CD2AP: variants seen among roughly 807,000 people sequenced by gnomAD.
CD2AP encodes CD2 associated protein, also known as CD2-associated protein.
CD2AP carries 46 observed loss-of-function variants against 85.1 expected under a neutral mutation model. The ratio of observed to expected loss-of-function variants is 0.54; its 90% CI spans 0.43 to 0.69. CD2AP has a LOEUF of 0.69. CD2AP is among the 30% of genes least tolerant of loss of function. CD2AP has a pLI of 0.00. For synonymous variants in CD2AP, 255 were observed against 252.9 expected (o/e 1.01, Z -0.08); for missense variants, 769 against 729.5 (o/e 1.05, Z -0.62).
chr6:47,516,472 A>G (rs1471541301), intron 2 of CD2AP, among the ~76,000 whole-genome samples: 2 of 152,226 alleles, frequency 1.3e-5, no homozygotes, highest in East Asian at 3.8e-4. Flanking sequence ...CTTTATATGC[A>G]AAAGAACAGT....
intron 2 of CD2AP, among the ~76,000 whole-genome samples, chr6:47,524,836 A>C (rs1198255464): frequency 1.3e-5 from 2 of 152,196 alleles, no homozygotes; most frequent in African/African-American, 4.8e-5. Context: ...GAAGTTTAGA[A>C]ACTTTCAAAG....
chr6:47,482,369 G>GT (rs200805546), intron 1 of CD2AP, among the ~76,000 whole-genome samples: 4 of 145,016 alleles, frequency 2.8e-5, no homozygotes, highest in Admixed American at 1.4e-4. Flanking sequence ...AGTTTGCTTT[G>GT]TTTTTTTTGT....
At chr6:47,526,480 C>T (rs1488009953) in intron 2 of CD2AP, among the ~76,000 whole-genome samples, 1 of 151,956 alleles carries the variant, frequency 6.6e-6, no homozygotes, top group East Asian at 1.9e-4. Context: ...GTTGCTTTCC[C>T]CCTTTTATTT....
chr6:47,613,792 A>G (rs1769508329), intron 17 of CD2AP, among the ~76,000 whole-genome samples: 1 of 152,154 alleles, frequency 6.6e-6, no homozygotes, highest in Non-Finnish European at 1.5e-5. Context: ...GTCCTAGATG[A>G]TATCTTCTTT....
At position 47,533,610 on chromosome 6, in the gene CD2AP, A is replaced by G. The variant is rs979806693; in HGVS notation, c.174A>G (p.Lys58=). Residue 58 remains lysine (K), a synonymous_variant, in exon 3 of 18, where the codon AAA becomes AAG. Coordinates refer to ENST00000359314, the MANE Select transcript of CD2AP (RefSeq NM_012120.3). ...TATTTTCCCTTTTGTAGGAAATTAA[A>G]AGAGAGACGGAATTCAAGGATGACA... ...MFPDNFVKEI[K]RETEFKDDSL... 3 of 1,613,696 alleles carry G rather than the reference A, an allele frequency of 1.9e-6. No homozygotes were observed. Among genetic ancestry groups the G allele is most frequent in the Admixed American group, 1.7e-5 (1 of 59,996 alleles).
At chr6:47,506,780 GGGGAGAGGGAGACGGAGGGAGAGGGAGA>G (rs1562007714) in intron 2 of CD2AP, among the ~76,000 whole-genome samples, 8 of 143,744 alleles carry the variant, frequency 5.6e-5, no homozygotes. Context: ...GGGAGACCGT[GGGGAGAGGGAGACGGAGGGAGAGGGAGA>G]GGGAGAGGGA....
intron 2 of CD2AP, among the ~76,000 whole-genome samples, chr6:47,515,536 T>C (rs1393749217): frequency 6.6e-6 from 1 of 152,238 alleles, no homozygotes; most frequent in Non-Finnish European, 1.5e-5. Flanking sequence ...TTGCTGGTAA[T>C]ATGGGCTAAA....
At chr6:47,552,092 T>C (rs2114058199) in intron 4 of CD2AP, among the ~76,000 whole-genome samples, 1 of 152,270 alleles carries the variant, frequency 6.6e-6, no homozygotes, top group East Asian at 1.9e-4. Flanking sequence ...AGAGATCTTC[T>C]TACAGCCATC....
In CD2AP at chr6:47,607,894, A is replaced by G. The variant is rs75839544; in HGVS notation, c.1531-33A>G. ...TACTACCTTTTCTTTTCTTTGGTCT[A>G]TTATGTCTCTTGACTTCTAAAAAAT... On this transcript the variant is annotated intron_variant, in intron 14 of 17. Transcript: ENST00000359314. The G allele has an allele frequency of 0.038, 53,760 of 1,425,312 alleles. 1,248 individuals carry two copies. Among genetic ancestry groups the G allele is most frequent in the Non-Finnish European group, 0.045 (44,991 of 1,010,884 alleles). The allele number at this position is 1,425,312 out of a possible 1,614,324, so 88.3% of individuals were successfully genotyped here. A position where few individuals can be genotyped will look rare whatever the true frequency, so the allele number is the denominator to read the frequency against.
intron 2 of CD2AP, among the ~76,000 whole-genome samples, chr6:47,515,066 A>C (rs1432530711): frequency 1.3e-5 from 2 of 152,020 alleles, no homozygotes; most frequent in Non-Finnish European, 2.9e-5. Context: ...AAAAAAAAAA[A>C]AGTAACACTG....
intron 11 of CD2AP, among the ~76,000 whole-genome samples, chr6:47,592,562 C>A (rs1768831421): frequency 6.6e-6 from 1 of 152,088 alleles, no homozygotes; most frequent in Non-Finnish European, 1.5e-5. Flanking sequence ...AGAGGAACAT[C>A]TTTTGTTATT....
chr6:47,548,843 A>G (rs1425450529), intron 4 of CD2AP, among the ~76,000 whole-genome samples: 1 of 152,208 alleles, frequency 6.6e-6, no homozygotes, highest in African/African-American at 2.4e-5. Flanking sequence ...CATATCAAAA[A>G]GATAATACAC....
At chr6:47,562,741 G>A (rs1767894795) in intron 5 of CD2AP, 1 of 824,520 alleles carries the variant, frequency 1.2e-6, no homozygotes, top group Non-Finnish European at 2.1e-6. Context: ...AGCTGGCCAA[G>A]CCTTAGACAA....
At position 47,516,200 on chromosome 6, in the gene CD2AP, CAA is replaced by C. The variant is rs143210943; in HGVS notation, c.165+12762_165+12763del. Among the ~76,000 whole-genome samples the C allele has an allele frequency of 8.9e-3, 1,362 of 152,288 alleles. 23 individuals carry two copies. The highest frequency in any genetic ancestry group is 0.031 in the African/African-American group (1,290 of 41,556). ...CAAGGAAAGACTACATCCTTTCATG[CAA>C]AGTTTGGTCCAGCTAGCCAAGTCAC... On this transcript the variant is annotated intron_variant, in intron 2 of 17. Transcript: ENST00000359314.
chr6:47,588,261 G>T (rs776345948), intron 11 of CD2AP, among the ~76,000 whole-genome samples: 1 of 152,012 alleles, frequency 6.6e-6, no homozygotes, highest in African/African-American at 2.4e-5. Context: ...TATTAGTTTA[G>T]ATGTTTGTTT....
intron 5 of CD2AP, among the ~76,000 whole-genome samples, chr6:47,562,092 A>T (rs1767878678): frequency 6.6e-6 from 1 of 152,176 alleles, no homozygotes; most frequent in Non-Finnish European, 1.5e-5. Flanking sequence ...AGGAAATTTA[A>T]TTTTTCTTCC....
At chr6:47,483,283 G>A (rs1765489418) in intron 1 of CD2AP, among the ~76,000 whole-genome samples, 1 of 152,178 alleles carries the variant, frequency 6.6e-6, no homozygotes, top group African/African-American at 2.4e-5. Context: ...GTCTATATGT[G>A]CCTACAGTCA....
chr6:47,581,965 C>T (rs1489888067), intron 10 of CD2AP, 38 bp from the exon 11 acceptor site: 1 of 1,345,980 alleles, frequency 7.4e-7, no homozygotes, highest in Admixed American at 1.7e-5. Flanking sequence ...TGCTTTAAAA[C>T]TGTCTTCTTA....
At chr6:47,535,388 G>A (rs949925681) in intron 3 of CD2AP, among the ~76,000 whole-genome samples, 2 of 152,152 alleles carry the variant, frequency 1.3e-5, no homozygotes, top group Admixed American at 6.5e-5. Flanking sequence ...TTCCCAAATT[G>A]TAATTGTAAG....
Sources: gnomAD v4.1 joint callset for allele counts (sites outside exome capture counted in the v4.1 genomes callset) on GRCh38, gnomAD v4.1.1 for gene constraint, MANE v1.5 for transcripts, NCBI Gene and HGNC (gene_info 2026-07-23, HGNC 2026-07-21) for gene names.